The following PTPRN2 variants were observed in gnomAD, a reference collection of about 807,000 sequenced individuals.
The protein encoded by PTPRN2 is protein tyrosine phosphatase receptor type N2.
A neutral mutation model predicts 118.8 loss-of-function variants in PTPRN2; 74 were observed. The observed-to-expected ratio is 0.62, with a 90% confidence interval of 0.52 to 0.76. The LOEUF (loss-of-function observed/expected upper bound fraction) is 0.76, where lower values mean the gene tolerates loss of function less well. PTPRN2 is among the 30% of genes least tolerant of loss of function. The pLI is 0.00. For synonymous variants in PTPRN2, 641 were observed against 608.0 expected, an observed-to-expected ratio of 1.05 and a Z score of -0.80; for missense variants, 1,481 against 1,394.4, an observed-to-expected ratio of 1.06 and a Z score of -0.99.
intron 12 of PTPRN2, chr7:157,856,020 G>A (rs1258758966): frequency 2.0e-5 from 3 of 152,234 alleles, no homozygotes; most frequent in Non-Finnish European, 1.5e-5. Context: ...CGGACCGGGT[G>A]GAGGAAGTCA....
intron 11 of PTPRN2, among the ~76,000 whole-genome samples, chr7:158,057,766 C>A (rs1405244969): frequency 6.6e-6 from 1 of 152,202 alleles, no homozygotes; most frequent in Non-Finnish European, 1.5e-5. Context: ...CTGCTTGGGA[C>A]CCCTCATCTG....
rs528927901 is a variant in PTPRN2, at chr7:157,954,766, T to C, written c.1724-56029A>G. ...AGTGGGGGTGGCCTCTCCCATGCAG[T>C]TGAGTGTCCTGGGAGGGAAAGCACA... On this transcript the variant is annotated intron_variant, in intron 11 of 22. Coordinates refer to ENST00000389418, the MANE Select transcript of PTPRN2 (RefSeq NM_002847.5). Among the ~76,000 whole-genome samples the C allele has an allele frequency of 2.3e-4, 35 of 152,272 alleles. No homozygotes were observed. The South Asian group carries it at 7.2e-3, about 32-fold the overall frequency.
chr7:158,171,260 TATAC>T (rs1403569125), intron 5 of PTPRN2, among the ~76,000 whole-genome samples: 1 of 110,616 alleles, frequency 9.0e-6, no homozygotes, highest in African/African-American at 3.6e-5. Context: ...CACACATATA[TATAC>T]ACACATATAT....
chr7:158,547,676 G>T (rs944966578), intron 1 of PTPRN2, among the ~76,000 whole-genome samples: 1 of 152,174 alleles, frequency 6.6e-6, no homozygotes, highest in Non-Finnish European at 1.5e-5. Flanking sequence ...GGCACTCCTG[G>T]GTCTTCCAGT....
At chr7:158,561,502 G>A (rs910218454) in intron 1 of PTPRN2, among the ~76,000 whole-genome samples, 1 of 152,174 alleles carries the variant, frequency 6.6e-6, no homozygotes, top group African/African-American at 2.4e-5. Context: ...AGAAGGTTTG[G>A]GTGATATTTC....
chr7:158,559,755 C>T (rs926115106), intron 1 of PTPRN2, among the ~76,000 whole-genome samples: 1 of 152,162 alleles, frequency 6.6e-6, no homozygotes, highest in African/African-American at 2.4e-5. Context: ...GGTCCTTGGT[C>T]CCAGGGACCC....
intron 12 of PTPRN2, among the ~76,000 whole-genome samples, chr7:157,819,015 T>TG (rs1345178035): frequency 6.6e-6 from 1 of 152,028 alleles, no homozygotes; most frequent in African/African-American, 2.4e-5. Context: ...GAGCCTCCTC[T>TG]CAGGACAGAG....
chr7:157,761,586 T>C (rs1370185941), intron 12 of PTPRN2, among the ~76,000 whole-genome samples: 3 of 148,504 alleles, frequency 2.0e-5, no homozygotes, highest in Non-Finnish European at 4.5e-5. Context: ...TTACACCTTA[T>C]ACAAAAATCA....
intron 10 of PTPRN2, among the ~76,000 whole-genome samples, chr7:158,109,445 C>T (rs1433055310): frequency 1.3e-5 from 2 of 148,924 alleles, no homozygotes; most frequent in African/African-American, 5.0e-5. Flanking sequence ...AATGATGTCA[C>T]CCCATATGTG....
intron 2 of PTPRN2, among the ~76,000 whole-genome samples, chr7:158,475,410 C>A (rs973328602): frequency 2.0e-5 from 3 of 152,184 alleles, no homozygotes; most frequent in African/African-American, 4.8e-5. Context: ...ACTCTCCCAG[C>A]GAGACCATGA....
At chr7:157,976,842 G>T (rs996889952) in intron 11 of PTPRN2, among the ~76,000 whole-genome samples, 1 of 151,894 alleles carries the variant, frequency 6.6e-6, no homozygotes, top group Admixed American at 6.6e-5. Context: ...GGGGTATAGA[G>T]GTGTGGTAGC....
chr7:157,722,006 C>T (rs986197823), intron 12 of PTPRN2, among the ~76,000 whole-genome samples: 1 of 152,178 alleles, frequency 6.6e-6, no homozygotes, highest in Non-Finnish European at 1.5e-5. Context: ...GGTGCTCGGC[C>T]GCAAAAGCGC....
chr7:157,576,853 A>T, intron 18 of PTPRN2, 74 bp from the exon 19 acceptor site: 1 of 1,386,228 alleles, frequency 7.2e-7, no homozygotes, highest in Non-Finnish European at 9.8e-7. Flanking sequence ...GCACTGAGGA[A>T]CCCAGGGCCA....
chr7:158,001,698 G>T (rs1334924540), intron 11 of PTPRN2, among the ~76,000 whole-genome samples: 1 of 152,214 alleles, frequency 6.6e-6, no homozygotes, highest in Non-Finnish European at 1.5e-5. Context: ...CCCAATCCGT[G>T]CTGAGAGCCC....
chr7:158,015,064 A>T lies in PTPRN2; in HGVS notation c.1723+66234T>A, dbSNP rs1806349344. On this transcript the variant is annotated intron_variant, in intron 11 of 22. Transcript: ENST00000389418. This position sits in a 1 kb window ranked among gnomAD's most constrained non-coding sequence, Gnocchi z 4.2. ...TTTGTCTCTCTTTTTCTTCCCTTGT[A>T]TCTTGCAAATCCCTCAGATAAAAGT... 6.6e-6 allele frequency among the ~76,000 whole-genome samples: 1 copy of T among 151,984 alleles called. No homozygotes were observed.
At position 158,083,276 on chromosome 7, in the gene PTPRN2, C is replaced by T. The variant is rs186553230; in HGVS notation, c.1644-1899G>A. ...GAGGTGATCAATTCATATTTGTGAC[C>T]GGTTCAACATTTTGGTTGAATGGTT... is the stretch of plus-strand genomic sequence containing the variant. On this transcript the variant is annotated intron_variant, in intron 10 of 22. Transcript: ENST00000389418. Among the ~76,000 whole-genome samples, 30 of 152,184 alleles carry T rather than the reference C, an allele frequency of 2.0e-4. No individual in the cohort carries two copies. In the East Asian group the frequency reaches 4.1e-3, roughly 21 times the overall value.
chr7:157,851,063 T>C (rs1400758814), intron 12 of PTPRN2, among the ~76,000 whole-genome samples: 2 of 152,200 alleles, frequency 1.3e-5, no homozygotes, highest in African/African-American at 2.4e-5. Flanking sequence ...TGCTGGGCCT[T>C]CTGTCCCATG....
intron 11 of PTPRN2, among the ~76,000 whole-genome samples, chr7:157,947,714 A>C (rs1028646718): frequency 6.6e-6 from 1 of 152,328 alleles, no homozygotes; most frequent in East Asian, 1.9e-4. Context: ...AAGAAGCTCA[A>C]CTAACTCCAA....
chr7:158,402,719 G>A (rs549878810), intron 2 of PTPRN2, among the ~76,000 whole-genome samples: 173 of 152,264 alleles, frequency 1.1e-3, no homozygotes, highest in African/African-American at 3.9e-3. Context: ...CCTGCTCTCC[G>A]GACCCTGCGC....
Sources: gnomAD v4.1 joint callset for allele counts (sites outside exome capture counted in the v4.1 genomes callset) on GRCh38, gnomAD v4.1.1 for gene constraint, Gnocchi (gnomAD v3.1) non-coding constraint, MANE v1.5 for transcripts, NCBI Gene and HGNC (gene_info 2026-07-23, HGNC 2026-07-21) for gene names.